Variants in SLX4IP observed in about 807,000 individuals in gnomAD.
The protein encoded by SLX4IP is protein SLX4IP.
A neutral mutation model predicts 32.9 loss-of-function variants in SLX4IP; 34 were observed. That is an observed-to-expected ratio of 1.03 (90% CI 0.79 to 1.38). The LOEUF (loss-of-function observed/expected upper bound fraction) is 1.38. Ranked by LOEUF, SLX4IP falls within the 40% of genes most tolerant of loss-of-function variation. The pLI is 0.00. For missense variants in SLX4IP, 444 were observed against 479.0 expected (o/e 0.93, Z 0.68); for synonymous variants, 172 against 171.7 (o/e 1.00, Z -0.01).
chr20:10,474,434 A>G (rs1051183639), intron 2 of SLX4IP, among the ~76,000 whole-genome samples: 5 of 152,224 alleles, frequency 3.3e-5, no homozygotes, highest in African/African-American at 9.6e-5. Context: ...ATGCCATTTA[A>G]TGAGGCCCCA....
chr20:10,548,103 A>C (rs2066181244), intron 2 of SLX4IP, among the ~76,000 whole-genome samples: 1 of 152,234 alleles, frequency 6.6e-6, no homozygotes, highest in African/African-American at 2.4e-5. Context: ...CTCATTTTGT[A>C]TATAGGGAAA....
intron 2 of SLX4IP, among the ~76,000 whole-genome samples, chr20:10,544,238 C>T (rs1342106964): frequency 6.6e-6 from 1 of 152,214 alleles, no homozygotes; most frequent in East Asian, 1.9e-4. Context: ...CTAAGGCTCT[C>T]CCTTCATCCA....
In SLX4IP at chr20:10,483,236, C is replaced by A. The variant is rs571625833; in HGVS notation, c.27+25005C>A. Reference sequence around the variant, plus strand: ...CTGGGTTCAAACAATTCTCGTGCCTCAGCCTCATGAGTAGGTGGGATTACA... The same window carrying A: ...CTGGGTTCAAACAATTCTCGTGCCTAAGCCTCATGAGTAGGTGGGATTACA... On this transcript the variant is annotated intron_variant, in intron 2 of 7. Transcript: ENST00000334534. Among the ~76,000 whole-genome samples, 5 of 152,330 alleles carry A rather than the reference C, an allele frequency of 3.3e-5. No individual in the cohort carries two copies. In the South Asian group the frequency reaches 1.0e-3, roughly 32 times the overall value.
intron 4 of SLX4IP, among the ~76,000 whole-genome samples, chr20:10,574,145 A>G (rs2066496618): frequency 6.6e-6 from 1 of 152,214 alleles, no homozygotes; most frequent in Non-Finnish European, 1.5e-5. Context: ...TAATGTTTCC[A>G]CTTGTTATCA....
chr20:10,512,764 T>TAC (rs1366576732), intron 2 of SLX4IP, among the ~76,000 whole-genome samples: 7 of 115,760 alleles, frequency 6.0e-5, no homozygotes, highest in East Asian at 2.8e-4. Flanking sequence ...TGTATATATA[T>TAC]ACACACACAC....
chr20:10,510,463 A>G (rs1424368292), intron 2 of SLX4IP, among the ~76,000 whole-genome samples: 1 of 152,160 alleles, frequency 6.6e-6, no homozygotes, highest in Non-Finnish European at 1.5e-5. Context: ...TCCTGCTAGT[A>G]TCAGCGGGGA....
intron 2 of SLX4IP, among the ~76,000 whole-genome samples, chr20:10,511,842 C>G (rs1253795418): frequency 1.3e-5 from 2 of 152,174 alleles, no homozygotes; most frequent in East Asian, 3.8e-4. Flanking sequence ...TTCCTTTGAC[C>G]ATTCCATGTG....
At chr20:10,467,608 A>G (rs1443333816) in intron 2 of SLX4IP, among the ~76,000 whole-genome samples, 1 of 152,244 alleles carries the variant, frequency 6.6e-6, no homozygotes, top group African/African-American at 2.4e-5. Context: ...TGCCCAAACT[A>G]ACATAGGATG....
chr20:10,560,635 T>A (rs1368564437), intron 3 of SLX4IP, 65 bp from the exon 4 acceptor site: 8 of 1,217,824 alleles, frequency 6.6e-6, no homozygotes, highest in Non-Finnish European at 8.8e-6. Context: ...GTTAACTTTT[T>A]AATATATATG....
At position 10,457,700 on chromosome 20, in the gene SLX4IP, G is replaced by T. The variant is rs138146948; in HGVS notation, c.-29-476G>T. 3.8e-3 allele frequency among the ~76,000 whole-genome samples: 584 copies of T among 152,202 alleles called. 2 individuals are homozygous for T. Among genetic ancestry groups the T allele is most frequent in the Non-Finnish European group, 5.1e-3 (350 of 68,016 alleles). ...CTCTCTCTGGTATTGGTATCAGGAT[G>T]ATACTGGCTTCAGAATTATTTGAGA... On this transcript the variant is annotated intron_variant, in intron 1 of 7. Transcript: ENST00000334534.
chr20:10,453,049 C>T lies in SLX4IP; in HGVS notation c.-29-5127C>T, dbSNP rs534516899. 3.9e-5 allele frequency among the ~76,000 whole-genome samples: 6 copies of T among 152,190 alleles called. No individual in the cohort carries two copies. The South Asian group carries it at 1.0e-3, about 26-fold the overall frequency. On this transcript the variant is annotated intron_variant, in intron 1 of 7. Transcript: ENST00000334534. ...GCTCTGTTTAACCTCTATGCCCTCA[C>T]CATATTTATACACACACATTCCCTA...
At chr20:10,562,861 G>C (rs574456886) in intron 4 of SLX4IP, among the ~76,000 whole-genome samples, 1 of 152,278 alleles carries the variant, frequency 6.6e-6, no homozygotes, top group South Asian at 2.1e-4. Flanking sequence ...ATTGTGAGTA[G>C]CACTGCAGTA....
intron 2 of SLX4IP, among the ~76,000 whole-genome samples, chr20:10,539,996 C>A (rs185111098): frequency 4.3e-4 from 65 of 152,322 alleles, no homozygotes; most frequent in Middle Eastern, 6.8e-3. Context: ...CGCACATTCT[C>A]AGCCTCACCC....
chr20:10,544,825 C>T (rs1419015341), intron 2 of SLX4IP, among the ~76,000 whole-genome samples: 2 of 152,002 alleles, frequency 1.3e-5, no homozygotes, highest in Non-Finnish European at 2.9e-5. Context: ...TGTTGTATTA[C>T]ATGGTGAAAC....
At chr20:10,619,679 T>C (rs1009941133) in intron 6 of SLX4IP, among the ~76,000 whole-genome samples, 6 of 152,204 alleles carry the variant, frequency 3.9e-5, no homozygotes, top group Admixed American at 3.3e-4. Context: ...ATGTTAATTG[T>C]TCAGCTCTGA....
intron 3 of SLX4IP, among the ~76,000 whole-genome samples, chr20:10,557,986 T>TGAGCTTGC (rs2122498797): frequency 6.6e-6 from 1 of 152,334 alleles, no homozygotes; most frequent in East Asian, 1.9e-4. Flanking sequence ...TGTAGCAGGC[T>TGAGCTTGC]GAGCTTGCCT....
intron 6 of SLX4IP, among the ~76,000 whole-genome samples, chr20:10,616,136 G>T (rs920611808): frequency 1.3e-5 from 2 of 152,086 alleles, no homozygotes; most frequent in Non-Finnish European, 2.9e-5. Context: ...ACCAAAGATT[G>T]TCGAGTCACC....
intron 2 of SLX4IP, among the ~76,000 whole-genome samples, chr20:10,492,784 T>G (rs2122399228): frequency 6.6e-6 from 1 of 152,350 alleles, no homozygotes; most frequent in South Asian, 2.1e-4. Flanking sequence ...CTTTAATTCA[T>G]CTGGTATAGT....
chr20:10,560,917 T>C (rs2066326061), intron 4 of SLX4IP, 97 bp downstream of exon 4: 5 of 1,178,496 alleles, frequency 4.2e-6, no homozygotes, highest in South Asian at 5.7e-5. Flanking sequence ...CATGTTAGTA[T>C]AGTGATACAT....
Sources: gnomAD v4.1 joint callset for allele counts (sites outside exome capture counted in the v4.1 genomes callset) on GRCh38, gnomAD v4.1.1 for gene constraint, MANE v1.5 for transcripts, NCBI Gene and HGNC (gene_info 2026-07-23, HGNC 2026-07-21) for gene names.